PPP3CA: variants seen among roughly 807,000 people sequenced by gnomAD.
The protein encoded by PPP3CA is protein phosphatase 3 catalytic subunit alpha, also known as CAM-PRP catalytic subunit.
In PPP3CA, 14 loss-of-function variants were observed where a neutral mutation model predicts 66.5. The observed-to-expected ratio is 0.21, with a 90% confidence interval of 0.14 to 0.33. The LOEUF (loss-of-function observed/expected upper bound fraction) is 0.33, where lower values mean the gene tolerates loss of function less well. PPP3CA is among the 10% of genes least tolerant of loss of function. The pLI, the probability that PPP3CA is intolerant of heterozygous loss-of-function variation, is 1.00. For missense variants in PPP3CA, 317 were observed against 639.5 expected (o/e 0.50, Z 5.44); for synonymous variants, 232 against 226.2 (o/e 1.03, Z -0.23).
intron 2 of PPP3CA, among the ~76,000 whole-genome samples, chr4:101,110,605 C>T (rs941283201): frequency 6.6e-6 from 1 of 152,178 alleles, no homozygotes; most frequent in African/African-American, 2.4e-5. Context: ...ATGAGATACA[C>T]AGTAGAAACA....
At chr4:101,189,703 A>C (rs1274084990) in intron 2 of PPP3CA, among the ~76,000 whole-genome samples, 1 of 151,154 alleles carries the variant, frequency 6.6e-6, no homozygotes, top group Non-Finnish European at 1.5e-5. Context: ...AAAAAAAAAA[A>C]ACAAAACCAA....
chr4:101,036,405 TTTTC>T lies in PPP3CA; in HGVS notation c.1242-4045_1242-4042del, dbSNP rs1156808177. ...GTTGTTTACTCTCGTCTACATTTCT[TTTTC>T]TTTCTTTCTTTTTTTTTTTTGAGAT... On this transcript the variant is annotated intron_variant, in intron 11 of 13. Coordinates refer to ENST00000394854, the MANE Select transcript of PPP3CA (RefSeq NM_000944.5). 8.3e-4 allele frequency among the ~76,000 whole-genome samples: 102 copies of T among 122,644 alleles called. 1 individual carries two copies. Among genetic ancestry groups the T allele is most frequent in the Non-Finnish European group, 2.8e-4 (17 of 59,960 alleles). 80.5% of individuals were successfully genotyped at this position (122,644 alleles called of 152,430 possible). A position where few individuals can be genotyped will look rare whatever the true frequency, so the allele number is the denominator to read the frequency against.
chr4:101,185,201 A>C (rs1049909993), intron 2 of PPP3CA, among the ~76,000 whole-genome samples: 15 of 152,092 alleles, frequency 9.9e-5, no homozygotes, highest in Non-Finnish European at 1.3e-4. Flanking sequence ...AAGATTTGCG[A>C]GGTAATAATA....
intron 1 of PPP3CA, among the ~76,000 whole-genome samples, chr4:101,324,308 C>T (rs998084268): frequency 2.6e-5 from 4 of 151,960 alleles, no homozygotes; most frequent in African/African-American, 9.7e-5. Context: ...AGCAGCAGAG[C>T]CAGGATTCAA....
chr4:101,031,869 ATGTG>A (rs1442356203), intron 12 of PPP3CA, among the ~76,000 whole-genome samples: 6 of 152,328 alleles, frequency 3.9e-5, no homozygotes, highest in African/African-American at 9.6e-5. Flanking sequence ...TTTAGTGGTT[ATGTG>A]TGTATGTGTT....
At chr4:101,083,426 C>A (rs1195086502) in intron 6 of PPP3CA, among the ~76,000 whole-genome samples, 163 bp from the exon 7 acceptor site, 1 of 152,018 alleles carries the variant, frequency 6.6e-6, no homozygotes, top group East Asian at 1.9e-4. Context: ...ATCCTTGTGG[C>A]AGAAAAAGCA....
intron 2 of PPP3CA, among the ~76,000 whole-genome samples, chr4:101,179,955 G>A (rs1201171613): frequency 1.3e-5 from 2 of 152,030 alleles, no homozygotes; most frequent in African/African-American, 4.8e-5. Context: ...TTATTTATAT[G>A]AAGTCACCTC....
intron 2 of PPP3CA, among the ~76,000 whole-genome samples, chr4:101,139,522 C>A (rs953546683): frequency 2.6e-5 from 4 of 152,076 alleles, no homozygotes; most frequent in Admixed American, 2.0e-4. Context: ...TGCCTTGCAT[C>A]TGTACATTGT....
intron 1 of PPP3CA, 78 bp downstream of exon 1, chr4:101,346,660 GA>G (rs1313220210): frequency 8.3e-7 from 1 of 1,209,204 alleles, no homozygotes; most frequent in Non-Finnish European, 1.2e-6. Flanking sequence ...CGGGGGAGGG[GA>G]GGAAAGGCGA....
chr4:101,277,513 A>G (rs112410343), intron 1 of PPP3CA, among the ~76,000 whole-genome samples: 1 of 152,232 alleles, frequency 6.6e-6, no homozygotes, highest in Non-Finnish European at 1.5e-5. Context: ...ACTTATGAAT[A>G]TTCAGATAAT....
intron 1 of PPP3CA, among the ~76,000 whole-genome samples, chr4:101,227,627 T>C (rs574076842): frequency 7.9e-5 from 12 of 151,680 alleles, no homozygotes; most frequent in Non-Finnish European, 1.6e-4. Context: ...ACAGATAAAT[T>C]CATGTTGCAG....
chr4:101,058,998 T>C (rs2110223537), intron 10 of PPP3CA, among the ~76,000 whole-genome samples: 1 of 152,260 alleles, frequency 6.6e-6, no homozygotes, highest in South Asian at 2.1e-4. Context: ...AAAACAAACA[T>C]TTATTAATAG....
intron 1 of PPP3CA, among the ~76,000 whole-genome samples, chr4:101,220,424 A>G (rs1198696458): frequency 6.6e-6 from 1 of 151,624 alleles, no homozygotes; most frequent in Non-Finnish European, 1.5e-5. Flanking sequence ...ATCTCTTTAT[A>G]ATCAAACTAA....
chr4:101,133,351 C>T (rs1408800249), intron 2 of PPP3CA, among the ~76,000 whole-genome samples: 1 of 152,214 alleles, frequency 6.6e-6, no homozygotes, highest in African/African-American at 2.4e-5. Flanking sequence ...TAGAAAAACA[C>T]ATCATCTCAG....
intron 1 of PPP3CA, among the ~76,000 whole-genome samples, chr4:101,231,021 TG>T (rs1725944891): frequency 6.6e-6 from 1 of 151,734 alleles, no homozygotes; most frequent in Non-Finnish European, 1.5e-5. Flanking sequence ...CACATGGGTA[TG>T]GATGATTTCA....
Position 101,238,367 on chromosome 4 carries a change from CAAG to C in PPP3CA, c.59-42254_59-42252del, listed in dbSNP as rs544217516. Among the ~76,000 whole-genome samples the C allele has an allele frequency of 1.1e-3, 173 of 151,888 alleles. 2 individuals carry two copies. Among genetic ancestry groups the C allele is most frequent in the African/African-American group, 3.9e-3 (161 of 41,442 alleles). On this transcript the variant is annotated intron_variant, in intron 1 of 13. Coordinates refer to ENST00000394854, the MANE Select transcript of PPP3CA (RefSeq NM_000944.5). ...GCTGACAATAGTTCTATAGAAATCT[CAAG>C]AAGATTATTTTTAATTTAAGAAATA...
chr4:101,053,304 T>C (rs1320975545), intron 10 of PPP3CA, among the ~76,000 whole-genome samples: 2 of 152,158 alleles, frequency 1.3e-5, no homozygotes, highest in Non-Finnish European at 2.9e-5. Context: ...GTTATGGTCC[T>C]AATTCTGGCC....
At chr4:101,092,686 T>C (rs1253310771) in intron 6 of PPP3CA, among the ~76,000 whole-genome samples, 1 of 151,984 alleles carries the variant, frequency 6.6e-6, no homozygotes, top group South Asian at 2.1e-4. Context: ...GAACATGAGG[T>C]GTTTGGTTTT....
intron 1 of PPP3CA, among the ~76,000 whole-genome samples, chr4:101,305,365 A>G (rs980713402): frequency 1.3e-5 from 2 of 152,246 alleles, no homozygotes; most frequent in East Asian, 1.9e-4. Context: ...CACTTTCCAC[A>G]TAACTTTGAA....
Sources: allele counts gnomAD v4.1 joint callset (sites outside exome capture counted in the v4.1 genomes callset), GRCh38; gene constraint gnomAD v4.1.1; transcripts MANE v1.5; gene names NCBI Gene and HGNC (gene_info 2026-07-23, HGNC 2026-07-21).